The following MEGF9 variants were observed in gnomAD, a reference collection of about 807,000 sequenced individuals.
MEGF9 encodes the protein multiple epidermal growth factor-like domains protein 9.
In MEGF9, 6 loss-of-function variants were observed where a neutral mutation model predicts 46.8. The ratio of observed to expected loss-of-function variants is 0.13; its 90% confidence interval spans 0.07 to 0.25. MEGF9 has a LOEUF of 0.25. Among genes scored for constraint, MEGF9 ranks in the 10% least tolerant of loss-of-function variants. The probability of loss-of-function intolerance (pLI) is 1.00; values close to 1 mark genes in which losing one functional copy is unlikely to be tolerated. For missense variants in MEGF9, 683 were observed against 792.4 expected, an observed-to-expected ratio of 0.86 and a Z score of 1.66; for synonymous variants, 302 against 330.7, an observed-to-expected ratio of 0.91 and a Z score of 0.94.
At chr9:120,628,371 T>C (rs73550178) in intron 2 of MEGF9, among the ~76,000 whole-genome samples, 8,626 of 151,548 alleles carry the variant, frequency 0.057, 812 homozygotes, top group African/African-American at 0.2. Flanking sequence ...GTTGAAAACA[T>C]TGGGCTATTA....
At chr9:120,697,873 G>GA (rs1195876740) in intron 1 of MEGF9, among the ~76,000 whole-genome samples, 7 of 148,504 alleles carry the variant, frequency 4.7e-5, no homozygotes, top group Middle Eastern at 3.4e-3. Context: ...TAGGGGAGGT[G>GA]AAAAAAAAAC....
intron 3 of MEGF9, among the ~76,000 whole-genome samples, chr9:120,620,438 GAAA>G (rs541794923): frequency 1.2e-3 from 184 of 147,936 alleles, no homozygotes; most frequent in African/African-American, 3.9e-3. Flanking sequence ...ATACAATGGT[GAAA>G]AAAAAAAGTT....
intron 1 of MEGF9, among the ~76,000 whole-genome samples, chr9:120,669,357 A>C (rs769149554): frequency 1.3e-5 from 2 of 152,200 alleles, no homozygotes; most frequent in Non-Finnish European, 2.9e-5. Flanking sequence ...TTATAAAATA[A>C]AATTAGAGCT....
At chr9:120,672,948 A>G (rs1311079162) in intron 1 of MEGF9, among the ~76,000 whole-genome samples, 2 of 152,178 alleles carry the variant, frequency 1.3e-5, no homozygotes, top group Admixed American at 1.3e-4. Context: ...GCTTGAATCC[A>G]GGAGGCAGAG....
chr9:120,645,955 T>C (rs1645665709), intron 2 of MEGF9, among the ~76,000 whole-genome samples: 1 of 152,190 alleles, frequency 6.6e-6, no homozygotes, highest in African/African-American at 2.4e-5. Flanking sequence ...ATTCAATTCC[T>C]GCAGCCTGCA....
intron 2 of MEGF9, among the ~76,000 whole-genome samples, chr9:120,626,849 T>C (rs577963533): frequency 2.2e-4 from 33 of 152,188 alleles, no homozygotes; most frequent in Non-Finnish European, 4.1e-4. Context: ...CTTTGTAGTA[T>C]ATTAAAAATT....
rs1223768199 is a variant in MEGF9 at position 120,604,029 on chromosome 9, A to G, written c.*1161T>C. ...CATTCAAGAAAAACATTTTTTAATG[A>G]GGATATGTTTTATATTAATCTATGT... On this transcript the variant is annotated 3_prime_UTR_variant, in exon 6 of 6. Transcript: ENST00000373930. The G allele has an allele frequency of 1.3e-5, 2 of 152,664 alleles. No individual in the cohort carries two copies. Among genetic ancestry groups the G allele is most frequent in the Non-Finnish European group, 2.9e-5 (2 of 68,040 alleles). The allele number at this position is 152,664 out of a possible 1,614,324, so 9.5% of individuals were successfully genotyped here.
chr9:120,670,481 A>G (rs74692947), intron 1 of MEGF9, among the ~76,000 whole-genome samples: 6,494 of 152,272 alleles, frequency 0.043, 456 homozygotes, highest in African/African-American at 0.15. Flanking sequence ...ATAAAGACCT[A>G]GTGTGTTAAA....
At chr9:120,688,646 AG>A (rs2132336915) in intron 1 of MEGF9, among the ~76,000 whole-genome samples, 1 of 152,326 alleles carries the variant, frequency 6.6e-6, no homozygotes, top group South Asian at 2.1e-4. Context: ...GAGGAAAAAC[AG>A]CAGGAAAGGG....
intron 1 of MEGF9, among the ~76,000 whole-genome samples, chr9:120,707,139 G>A (rs1456999930): frequency 6.6e-6 from 1 of 152,152 alleles, no homozygotes; most frequent in Non-Finnish European, 1.5e-5. Context: ...TAACTTAGTA[G>A]TTCCTGTTTT....
chr9:120,702,370 A>T (rs1230735003), intron 1 of MEGF9, among the ~76,000 whole-genome samples: 1 of 152,224 alleles, frequency 6.6e-6, no homozygotes, highest in East Asian at 1.9e-4. Flanking sequence ...AAGACTTACC[A>T]AGCTTATCAG....
chr9:120,649,695 CT>C (rs1484771456), intron 2 of MEGF9, among the ~76,000 whole-genome samples: 1 of 151,916 alleles, frequency 6.6e-6, no homozygotes, highest in Non-Finnish European at 1.5e-5. Flanking sequence ...TGTTTTTGGT[CT>C]TTTTTTGATA....
At chr9:120,641,558 C>G (rs1039537948) in intron 2 of MEGF9, among the ~76,000 whole-genome samples, 1 of 152,204 alleles carries the variant, frequency 6.6e-6, no homozygotes, top group Non-Finnish European at 1.5e-5. Context: ...GAGCCACCAA[C>G]ATAGATCAGT....
chr9:120,690,921 T>C (rs996273913), intron 1 of MEGF9, among the ~76,000 whole-genome samples: 2 of 152,146 alleles, frequency 1.3e-5, no homozygotes, highest in Admixed American at 6.6e-5. Context: ...TAAAAAGAAA[T>C]ATAAATATTT....
At chr9:120,700,732 G>C (rs1412554769) in intron 1 of MEGF9, among the ~76,000 whole-genome samples, 3 of 151,812 alleles carry the variant, frequency 2.0e-5, no homozygotes, top group Non-Finnish European at 4.4e-5. Context: ...ATTTCCTTCA[G>C]AGTGAATAAC....
chr9:120,689,368 G>T (rs1379634529), intron 1 of MEGF9, among the ~76,000 whole-genome samples: 1 of 152,162 alleles, frequency 6.6e-6, no homozygotes, highest in African/African-American at 2.4e-5. Context: ...ACAGAATGGG[G>T]TAAGAAGTGG....
At position 120,714,026 on chromosome 9, in the gene MEGF9, G is replaced by T; in HGVS notation, c.333C>A (p.Pro111=). ...GCGGCGCCTGAAAGGTGGTGGAAGA[G>T]GGTCCAGCAGTCGCCCAAAGAGGGG... ...ETTPLWATAG[P]SSTTFQAPLG... is the part of the protein sequence containing the mutation. The change falls in exon 1 of 6, where the codon CCC becomes CCA. Residue 111 remains proline, a synonymous_variant. Coordinates refer to ENST00000373930, the MANE Select transcript of MEGF9 (RefSeq NM_001080497.3). The T allele has an allele frequency of 7.4e-7, 1 of 1,344,080 alleles. No homozygotes were observed. Among genetic ancestry groups the T allele is most frequent in the African/African-American group, 1.5e-5 (1 of 66,648 alleles). The allele number at this position is 1,344,080 out of a possible 1,614,324, so 83.3% of individuals were successfully genotyped here. A position where few individuals can be genotyped will look rare whatever the true frequency, so the allele number is the denominator to read the frequency against.
intron 2 of MEGF9, among the ~76,000 whole-genome samples, chr9:120,648,433 A>G (rs188671620): frequency 6.6e-6 from 1 of 152,130 alleles, no homozygotes; most frequent in East Asian, 1.9e-4. Flanking sequence ...TTTGTCTTCA[A>G]GAAATAGTGA....
At chr9:120,656,177 C>CTA (rs1267460481) in intron 2 of MEGF9, among the ~76,000 whole-genome samples, 1 of 152,124 alleles carries the variant, frequency 6.6e-6, no homozygotes, top group Non-Finnish European at 1.5e-5. Context: ...GTCAAGTTAA[C>CTA]TATACCCTTT....
Sources: gnomAD v4.1 joint callset for allele counts (sites outside exome capture counted in the v4.1 genomes callset) on GRCh38, gnomAD v4.1.1 for gene constraint, MANE v1.5 for transcripts, NCBI Gene and HGNC (gene_info 2026-07-23, HGNC 2026-07-21) for gene names.